PALM: variants seen among roughly 807,000 people sequenced by gnomAD.
PALM encodes the protein paralemmin-1.
Under a neutral mutation model 30.7 loss-of-function variants are expected in PALM, and 18 were observed. The observed-to-expected ratio is 0.59, with a 90% CI of 0.41 to 0.87. The LOEUF (loss-of-function observed/expected upper bound fraction) is 0.87. Ranked by LOEUF, PALM falls within the 40% of genes least tolerant of loss-of-function variation. PALM has a pLI of 0.00. For missense variants in PALM, 529 were observed against 555.4 expected (o/e 0.95, Z 0.48); for synonymous variants, 286 against 242.8 (o/e 1.18, Z -1.66).
At chr19:741,617 A>G (rs1243785930) in intron 8 of PALM, among the ~76,000 whole-genome samples, 1 of 151,866 alleles carries the variant, frequency 6.6e-6, no homozygotes, top group Non-Finnish European at 1.5e-5. Context: ...GGGCTCACGC[A>G]GGGAGGAGAA....
intron 1 of PALM, among the ~76,000 whole-genome samples, chr19:718,318 C>G (rs556194581): frequency 5.9e-5 from 9 of 152,284 alleles, no homozygotes; most frequent in Admixed American, 5.2e-4. Context: ...GCCTGAGGCC[C>G]GGGGAGGTCT....
Position 709,634 on chromosome 19 carries a change from CA to C in PALM, c.5+484del, listed in dbSNP as rs1411346004. Among the ~76,000 whole-genome samples the C allele has an allele frequency of 6.6e-6, 1 of 152,092 alleles. No homozygotes were observed. Among genetic ancestry groups the C allele is most frequent in the Non-Finnish European group, 1.5e-5 (1 of 67,964 alleles). Reference sequence around the variant, plus strand: ...GACGCGCGCGCGGGCCGGTGCCCCCCACCCCCGCCCTTCCCAAGGGCCTCCA... The same window carrying C: ...GACGCGCGCGCGGGCCGGTGCCCCCCCCCCCGCCCTTCCCAAGGGCCTCCA... On this transcript the variant is annotated intron_variant, in intron 1 of 8. Transcript: ENST00000338448. The surrounding 1 kb of genome is among the most constrained non-coding windows in gnomAD (Gnocchi z 4.3).
rs2032002012 is a variant in PALM, at chr19:709,578, C to G, written c.5+427C>G. On this transcript the variant is annotated intron_variant, in intron 1 of 8. Coordinates refer to ENST00000338448, the MANE Select transcript of PALM (RefSeq NM_002579.3). The surrounding 1 kb of genome is among the most constrained non-coding windows in gnomAD (Gnocchi z 4.3). ...CGCGCTCACGCACCCTTCCCCCGCCCCAGTCTGAGCGCACGGCTCCTGGCG... is the reference window on the plus strand; with the variant it reads ...CGCGCTCACGCACCCTTCCCCCGCCGCAGTCTGAGCGCACGGCTCCTGGCG... Among the ~76,000 whole-genome samples, 1 of 152,104 alleles carries G rather than the reference C, an allele frequency of 6.6e-6. No homozygotes were observed. Among genetic ancestry groups the G allele is most frequent in the African/African-American group, 2.4e-5 (1 of 41,450 alleles).
intron 4 of PALM, 21 bp downstream of exon 4, chr19:727,715 G>C: frequency 6.5e-7 from 1 of 1,532,852 alleles, no homozygotes. Flanking sequence ...CAGCGTGGGT[G>C]CCACCGGGCT....
At chr19:739,837 G>A (rs1285412310) in intron 7 of PALM, among the ~76,000 whole-genome samples, 1 of 152,190 alleles carries the variant, frequency 6.6e-6, no homozygotes, top group Non-Finnish European at 1.5e-5. Flanking sequence ...TTAGCTGGGC[G>A]TGGTGGCGGG....
At chr19:738,756 G>A (rs1057236225) in intron 7 of PALM, among the ~76,000 whole-genome samples, 2 of 152,184 alleles carry the variant, frequency 1.3e-5, no homozygotes, top group African/African-American at 2.4e-5. Flanking sequence ...GGCCGCAGCC[G>A]GGCCTAAGCG....
At chr19:741,427 C>T (rs34237670) in intron 8 of PALM, among the ~76,000 whole-genome samples, 11,147 of 104,920 alleles carry the variant, frequency 0.11, 104 homozygotes, top group African/African-American at 0.19. Context: ...TGAGGGGAGA[C>T]GGGCTGCAGG....
intron 1 of PALM, chr19:711,138 G>T: frequency 1.1e-6 from 1 of 940,500 alleles, no homozygotes; most frequent in Non-Finnish European, 1.3e-6. Flanking sequence ...GTTATTTTTT[G>T]TTAATGTGAG....
rs1408750791 is a variant in PALM, at chr19:709,680, G to A, written c.5+529G>A. 2.0e-5 allele frequency among the ~76,000 whole-genome samples: 3 copies of A among 151,492 alleles called. No homozygotes were observed. The highest frequency in any genetic ancestry group is 4.2e-4 in the South Asian group (2 of 4,750). On this transcript the variant is annotated intron_variant, in intron 1 of 8. Coordinates refer to ENST00000338448, the MANE Select transcript of PALM (RefSeq NM_002579.3). The surrounding 1 kb of genome is among the most constrained non-coding windows in gnomAD (Gnocchi z 4.3). ...CCTCCAGGGGTGTCCTGAGCCCCCC[G>A]CCACTGCGCAGGTCCCGAGTTACCG...
intron 1 of PALM, among the ~76,000 whole-genome samples, chr19:711,434 C>A (rs2032077130): frequency 6.6e-6 from 1 of 152,170 alleles, no homozygotes; most frequent in South Asian, 2.1e-4. Context: ...ATGGTCAAGA[C>A]CGGCCCAGAC....
chr19:736,281 C>A, intron 7 of PALM: 1 of 522,160 alleles, frequency 1.9e-6, no homozygotes, highest in Non-Finnish European at 3.4e-6. Context: ...TTGCCCTGGT[C>A]CCACGCCGGC....
chr19:718,991 T>A, intron 1 of PALM: 1 of 277,962 alleles, frequency 3.6e-6, no homozygotes, highest in Non-Finnish European at 5.4e-6. Flanking sequence ...CTCCATCCCC[T>A]GCTGCCCCCG....
At chr19:723,105 CA>C (rs1451928307) in intron 1 of PALM, among the ~76,000 whole-genome samples, 1 of 151,158 alleles carries the variant, frequency 6.6e-6, no homozygotes, top group East Asian at 1.9e-4. Flanking sequence ...GTGCACTGTG[CA>C]GTTTCATTTT....
At chr19:727,498 C>T in intron 3 of PALM, 66 bp from the exon 4 acceptor site, 1 of 1,330,264 alleles carries the variant, frequency 7.5e-7, no homozygotes. Flanking sequence ...ACCCTGACCT[C>T]AGTCTTAAGT....
intron 7 of PALM, among the ~76,000 whole-genome samples, chr19:736,393 C>T (rs9304944): frequency 0.44 from 67,522 of 152,112 alleles, 15,431 homozygotes; most frequent in African/African-American, 0.53. Context: ...TCCTGGGGCC[C>T]GCTGGGGGTG....
At position 746,511 on chromosome 19, in the gene PALM, G is replaced by C; in HGVS notation, c.861G>C (p.Pro287=). 6.2e-7 allele frequency: 1 copy of C among 1,612,538 alleles called. No homozygotes were observed. The highest frequency in any genetic ancestry group is 8.5e-7 in the Non-Finnish European group (1 of 1,179,744). Reference sequence around the variant, plus strand: ...AGCCAGGCGAGGCCACGTCCGGCCCGCCGGGGATCCAGCCCGGCCAGGAGC... The same window carrying C: ...AGCCAGGCGAGGCCACGTCCGGCCCCCCGGGGATCCAGCCCGGCCAGGAGC... ...QAQPGEATSG[P]PGIQPGQEPP... is the part of the protein sequence containing the mutation. Residue 287 remains proline (P), a synonymous_variant, in exon 9 of 9, where the codon CCG becomes CCC. Transcript: ENST00000338448. This position sits in a 1 kb window ranked among gnomAD's most constrained non-coding sequence, Gnocchi z 7.1.
At chr19:734,443 T>G (rs947163272) in intron 6 of PALM, 2 of 532,050 alleles carry the variant, frequency 3.8e-6, no homozygotes, top group Non-Finnish European at 6.7e-6. Flanking sequence ...CTCATGCCTG[T>G]AATCCCAGCA....
At position 741,450 on chromosome 19, in the gene PALM, C is replaced by T. The variant is rs187223591; in HGVS notation, c.634+967C>T. Among the ~76,000 whole-genome samples, 258 of 118,420 alleles carry T rather than the reference C, an allele frequency of 2.2e-3. 13 individuals carry two copies. The highest frequency in any genetic ancestry group is 3.3e-3 in the Non-Finnish European group (181 of 55,556). 77.7% of individuals were successfully genotyped at this position (118,420 alleles called of 152,430 possible). ...GACGGGCTGCAGGGGTGAGGGGAGA[C>T]GGGCTGCAGGGGTGAGGGGAGACGG... is the stretch of plus-strand genomic sequence containing the variant. On this transcript the variant is annotated intron_variant, in intron 8 of 8. Coordinates refer to ENST00000338448, the MANE Select transcript of PALM (RefSeq NM_002579.3).
chr19:724,705 C>T (rs1187172602), intron 1 of PALM, among the ~76,000 whole-genome samples: 1 of 152,112 alleles, frequency 6.6e-6, no homozygotes, highest in African/African-American at 2.4e-5. Context: ...CCCCCTGGAC[C>T]TCCCAGGCTC....
Sources: allele counts gnomAD v4.1 joint callset (sites outside exome capture counted in the v4.1 genomes callset), GRCh38; gene constraint gnomAD v4.1.1; non-coding constraint Gnocchi (gnomAD v3.1); transcripts MANE v1.5; gene names NCBI Gene and HGNC (gene_info 2026-07-23, HGNC 2026-07-21).